The following AOPEP variants were observed in gnomAD, a reference collection of about 807,000 sequenced individuals.
AOPEP encodes aminopeptidase O (putative).
A neutral mutation model predicts 98.1 loss-of-function variants in AOPEP; 77 were observed. That is an observed-to-expected ratio of 0.78 (90% CI 0.65 to 0.95). The LOEUF is 0.95. AOPEP is among the 40% of genes least tolerant of loss of function. AOPEP has a pLI of 0.00. For synonymous variants in AOPEP, 346 were observed against 365.3 expected (o/e 0.95, Z 0.60); for missense variants, 1,024 against 1,024.7 (o/e 1.00, Z 0.01).
chr9:95,067,608 T>C lies in AOPEP; in HGVS notation c.2232+6798T>C, dbSNP rs538212352. ...GGTAGTTTTTCTCGAGAGTAGACTGTGTAGAATAGTACCCTTCGCTGAAAC... is the reference window on the plus strand; with the variant it reads ...GGTAGTTTTTCTCGAGAGTAGACTGCGTAGAATAGTACCCTTCGCTGAAAC... On this transcript the variant is annotated intron_variant, in intron 14 of 16. Coordinates refer to ENST00000375315, the MANE Select transcript of AOPEP (RefSeq NM_001193329.3). 8.6e-4 allele frequency among the ~76,000 whole-genome samples: 131 copies of C among 152,198 alleles called. 1 individual carries two copies. The highest frequency in any genetic ancestry group is 1.4e-3 in the Non-Finnish European group (97 of 68,038).
Position 95,087,050 on chromosome 9 carries a change from T to A in AOPEP, c.*373T>A, listed in dbSNP as rs1416708768. On this transcript the variant is annotated 3_prime_UTR_variant, in exon 17 of 17. Coordinates refer to ENST00000375315, the MANE Select transcript of AOPEP (RefSeq NM_001193329.3). ...GGCTGGATGCGGATATTTCTATAAT[T>A]CCAGAAAGTCACACAGCTCCTCTGT... The A allele has an allele frequency of 1.5e-6, 1 of 648,612 alleles. No individual in the cohort carries two copies. Among genetic ancestry groups the A allele is most frequent in the Non-Finnish European group, 1.9e-6 (1 of 522,088 alleles). The allele number at this position is 648,612 out of a possible 1,614,324, so 40.2% of individuals were successfully genotyped here.
intron 13 of AOPEP, among the ~76,000 whole-genome samples, chr9:95,038,544 G>A (rs2065023042): frequency 6.6e-6 from 1 of 152,194 alleles, no homozygotes; most frequent in African/African-American, 2.4e-5. Context: ...TTAGACCTAG[G>A]AAATAAAGAC....
chr9:94,754,481 T>C (rs1302047355), intron 1 of AOPEP, among the ~76,000 whole-genome samples: 1 of 152,084 alleles, frequency 6.6e-6, no homozygotes, highest in East Asian at 1.9e-4. Flanking sequence ...AGATGAGGCA[T>C]AAAAAGAGGC....
chr9:94,800,939 A>G lies in AOPEP; in HGVS notation c.1301A>G (p.His434Arg). ...GCAGCACATTCTGTTCTGGGAGCAC[A>G]CCCGTTCTCTCGGCTGGATGTTCTC... ...LSAAHSVLGA[H>R]PFSRLDVLIV... is the part of the protein sequence containing the mutation. The change falls in exon 5 of 17, where the codon CAC becomes CGC. Residue 434 changes from histidine to arginine, a missense_variant. Around this residue, in one of 3 missense-constraint regions of AOPEP, gnomAD observed 566 missense variants for 551.7 expected, o/e 1.03. Coordinates refer to ENST00000375315, the MANE Select transcript of AOPEP (RefSeq NM_001193329.3). 1 of 1,613,778 alleles carries G rather than the reference A, an allele frequency of 6.2e-7. No homozygotes were observed. Among genetic ancestry groups the G allele is most frequent in the South Asian group, 1.1e-5 (1 of 91,022 alleles).
intron 11 of AOPEP, among the ~76,000 whole-genome samples, chr9:95,002,230 C>CT (rs1283000886): frequency 6.6e-6 from 1 of 152,124 alleles, no homozygotes; most frequent in Non-Finnish European, 1.5e-5. Context: ...ACTTCTCCCC[C>CT]TTGAAATTTT....
chr9:94,925,188 G>A (rs141618910), intron 6 of AOPEP, among the ~76,000 whole-genome samples: 1,592 of 152,150 alleles, frequency 0.01, 33 homozygotes, highest in African/African-American at 0.036. Context: ...CGGGGGTTTC[G>A]CCATATTGGC....
intron 13 of AOPEP, among the ~76,000 whole-genome samples, chr9:95,039,770 C>G (rs906245903): frequency 8.3e-6 from 1 of 120,030 alleles, no homozygotes; most frequent in Non-Finnish European, 1.9e-5. Context: ...ATTCATTCAC[C>G]TTTCATGTTA....
At chr9:95,010,675 T>G (rs2062433262) in intron 13 of AOPEP, among the ~76,000 whole-genome samples, 1 of 152,186 alleles carries the variant, frequency 6.6e-6, no homozygotes, top group Admixed American at 6.5e-5. Context: ...TAGAAAAGCT[T>G]TATGGATTCT....
At chr9:94,812,342 CT>C (rs573837976) in intron 5 of AOPEP, among the ~76,000 whole-genome samples, 2 of 152,178 alleles carry the variant, frequency 1.3e-5, no homozygotes, top group South Asian at 4.1e-4. Context: ...TGAGATCTGA[CT>C]TAGAATCTAA....
Position 94,863,343 on chromosome 9 carries a change from T to C in AOPEP, c.1365-60643T>C, listed in dbSNP as rs764725636. 2.5e-3 allele frequency among the ~76,000 whole-genome samples: 360 copies of C among 145,410 alleles called. 1 individual carries two copies. The highest frequency in any genetic ancestry group is 4.0e-3 in the Non-Finnish European group (270 of 66,874). On this transcript the variant is annotated intron_variant, in intron 5 of 16. Transcript: ENST00000375315. The stretch of plus-strand genomic sequence containing the variant: ...TCACCCAGGCTGGAGTGCAGTGGCG[T>C]GGTCTCGGCTCACTGCCAGCTCTGC...
At chr9:94,998,942 G>C (rs1314107166) in intron 11 of AOPEP, among the ~76,000 whole-genome samples, 2 of 152,098 alleles carry the variant, frequency 1.3e-5, no homozygotes, top group African/African-American at 2.4e-5. Context: ...TGTCTGTATA[G>C]TATTATATCT....
chr9:95,100,301 C>A, the AOPEP span: 1 of 232,686 alleles, frequency 4.3e-6, no homozygotes, highest in Non-Finnish European at 8.5e-6. Context: ...GCACACCCTT[C>A]TGACTGCAGC....
intron 3 of AOPEP, among the ~76,000 whole-genome samples, chr9:94,789,290 C>A (rs1281826742): frequency 6.6e-6 from 1 of 152,198 alleles, no homozygotes. Flanking sequence ...ACAGTTAAAC[C>A]TCTCTTTTTA....
intron 13 of AOPEP, among the ~76,000 whole-genome samples, chr9:95,018,610 C>A (rs931133314): frequency 3.3e-5 from 5 of 152,226 alleles, no homozygotes; most frequent in Admixed American, 2.6e-4. Context: ...GTGTGCCTTT[C>A]TTTTTATCCT....
At chr9:94,932,700 T>C in intron 7 of AOPEP, 1 of 567,854 alleles carries the variant, frequency 1.8e-6, no homozygotes, top group Non-Finnish European at 2.2e-6. Flanking sequence ...GCCAGGCTGG[T>C]CTCAAACTCC....
rs775533595 is a variant in AOPEP, at chr9:95,082,608, G to T, written c.2353G>T (p.Val785Leu). The change falls in exon 16 of 17, where the codon GTG becomes TTG. Residue 785 changes from valine to leucine, a missense_variant. Coordinates refer to ENST00000375315, the MANE Select transcript of AOPEP (RefSeq NM_001193329.3). ...TGTGTACCTCTACGGGGAGCTGATG[G>T]TGAGTGAGGACGCCAGACAGCAGCA... ...MGVYLYGELMVSEDARQQQLA... is the reference protein window; with the variant it reads ...MGVYLYGELMLSEDARQQQLA... 12 of 1,614,114 alleles carry T rather than the reference G, an allele frequency of 7.4e-6. No individual in the cohort carries two copies. The highest frequency in any genetic ancestry group is 7.6e-6 in the Non-Finnish European group (9 of 1,180,058).
chr9:94,728,842 G>A (rs1829873556), intron 1 of AOPEP, among the ~76,000 whole-genome samples: 1 of 152,190 alleles, frequency 6.6e-6, no homozygotes, highest in Admixed American at 6.5e-5. Flanking sequence ...GTGAGTGTGT[G>A]GGATGAGGAA....
intron 3 of AOPEP, 111 bp from the exon 4 acceptor site, chr9:94,792,654 G>A: frequency 9.5e-7 from 1 of 1,051,220 alleles, no homozygotes; most frequent in Non-Finnish European, 1.3e-6. Flanking sequence ...CCAAGAGTTG[G>A]CTCTTACCAG....
the AOPEP span, chr9:95,135,206 T>C: frequency 4.5e-5 from 39 of 861,694 alleles, 2 homozygotes; most frequent in South Asian, 5.3e-4. Flanking sequence ...ATTTCAAAAA[T>C]AAAATGTAAA....
Sources: allele counts gnomAD v4.1 joint callset (sites outside exome capture counted in the v4.1 genomes callset), GRCh38; gene constraint gnomAD v4.1.1; regional missense constraint gnomAD v4.1.1; transcripts MANE v1.5; gene names NCBI Gene and HGNC (gene_info 2026-07-23, HGNC 2026-07-21).